OR7D2: variants seen among roughly 807,000 people sequenced by gnomAD.
OR7D2 encodes olfactory receptor 7D2.
For missense variants in OR7D2, 370 were observed against 384.1 expected (o/e 0.96, Z 0.31); for synonymous variants, 158 against 158.7 (o/e 1.00, Z 0.03).
intron 2 of OR7D2, among the ~76,000 whole-genome samples, chr19:9,181,690 A>G (rs1477488193): frequency 6.6e-6 from 1 of 152,062 alleles, no homozygotes; most frequent in Non-Finnish European, 1.5e-5. Flanking sequence ...GCTAAACTCA[A>G]ACGATACTCT....
chr19:9,181,213 A>G (rs1410102129), intron 2 of OR7D2, among the ~76,000 whole-genome samples: 2 of 135,694 alleles, frequency 1.5e-5, no homozygotes, highest in Non-Finnish European at 3.0e-5. Flanking sequence ...TTATAGATAT[A>G]TAATACACTA....
Position 9,187,747 on chromosome 19 carries a change from A to G in OR7D2, c.*1027A>G, listed in dbSNP as rs543455140. The G allele has an allele frequency of 1.2e-5, 2 of 167,062 alleles. No individual in the cohort carries two copies. The highest frequency in any genetic ancestry group is 2.1e-4 in the South Asian group (1 of 4,820). The allele number at this position is 167,062 out of a possible 1,614,324, so 10.3% of individuals were successfully genotyped here. A position where few individuals can be genotyped will look rare whatever the true frequency, so the allele number is the denominator to read the frequency against. On this transcript the variant is annotated 3_prime_UTR_variant, in exon 3 of 3. Transcript: ENST00000641288. ...AACTGAGAACATACGATATGTTCATATGGATCTTATGTATGTTGGTTGAAC... is the reference window on the plus strand; with the variant it reads ...AACTGAGAACATACGATATGTTCATGTGGATCTTATGTATGTTGGTTGAAC...
At chr19:9,183,626 A>G (rs2145980894) in intron 2 of OR7D2, among the ~76,000 whole-genome samples, 1 of 152,084 alleles carries the variant, frequency 6.6e-6, no homozygotes, top group Non-Finnish European at 1.5e-5. Flanking sequence ...TGGCTCTATT[A>G]TTAGCTAACT....
chr19:9,185,861 T>A lies in OR7D2; in HGVS notation c.80T>A (p.Ile27Lys). 6.2e-7 allele frequency: 1 copy of A among 1,613,450 alleles called. No individual in the cohort carries two copies. The highest frequency in any genetic ancestry group is 8.5e-7 in the Non-Finnish European group (1 of 1,179,600). Reference protein sequence around the residue: ...LSEDPELQPFIFGLFLSMYLV... With the variant: ...LSEDPELQPFKFGLFLSMYLV... ...GAGGATCCAGAACTACAGCCGTTCA[T>A]ATTTGGGCTGTTCCTGTCCATGTAC... The change falls in exon 3 of 3, where the codon ATA (isoleucine) becomes AAA (lysine). Residue 27 changes from isoleucine to lysine, a missense_variant. Coordinates refer to ENST00000641288, the MANE Select transcript of OR7D2 (RefSeq NM_175883.4).
chr19:9,184,107 A>AAG (rs59144663), intron 2 of OR7D2, among the ~76,000 whole-genome samples: 1 of 150,590 alleles, frequency 6.6e-6, no homozygotes, highest in Non-Finnish European at 1.5e-5. Context: ...AAGGAATTAA[A>AAG]TAGAGGCCGG....
In OR7D2 at chr19:9,186,552, G is replaced by A. The variant is rs757731758; in HGVS notation, c.771G>A (p.Gly257=). The A allele has an allele frequency of 6.2e-7, 1 of 1,613,968 alleles. No homozygotes were observed. The highest frequency in any genetic ancestry group is 8.5e-7 in the Non-Finnish European group (1 of 1,180,008). The change falls in exon 3 of 3, where the codon GGG becomes GGA. Residue 257 remains glycine (G), a synonymous_variant. Coordinates refer to ENST00000641288, the MANE Select transcript of OR7D2 (RefSeq NM_175883.4). The stretch of plus-strand genomic sequence containing the variant: ...CTTTATTTTATGGGACAGGCATTGG[G>A]GTCCACTTCACTTCTGCGGTGACTC... ...VVSLFYGTGI[G]VHFTSAVTHS...
At chr19:9,184,446 ACT>A (rs1352648363) in intron 2 of OR7D2, among the ~76,000 whole-genome samples, 2 of 151,876 alleles carry the variant, frequency 1.3e-5, no homozygotes, top group African/African-American at 2.4e-5. Flanking sequence ...AAATTTTGAG[ACT>A]CTTTCTCAAA....
intron 2 of OR7D2, among the ~76,000 whole-genome samples, chr19:9,184,733 GTATA>G (rs1192916128): frequency 6.6e-6 from 1 of 151,896 alleles, no homozygotes; most frequent in Non-Finnish European, 1.5e-5. Context: ...ATATATTTGT[GTATA>G]TATATTCCAT....
chr19:9,180,066 C>T (rs1294786221), intron 1 of OR7D2, among the ~76,000 whole-genome samples: 1 of 151,942 alleles, frequency 6.6e-6, no homozygotes, highest in African/African-American at 2.4e-5. Flanking sequence ...GTTCACTCTG[C>T]ACCAGATGTT....
At position 9,186,096 on chromosome 19, in the gene OR7D2, GT is replaced by G; in HGVS notation, c.321del (p.Pro108LeufsTer8). The G allele has an allele frequency of 1.2e-6, 2 of 1,614,044 alleles. No homozygotes were observed. The highest frequency in any genetic ancestry group is 1.7e-6 in the Non-Finnish European group (2 of 1,180,000). ...GCCTCACACAGGTCTATTTCTCCAT[GT>G]TTTTTCCTATTCTGGACACGCTACT... ...DCLTQVYFSMFFPILDTLLLT... is the reference protein window; with the variant it reads ...DCLTQVYFSMXFPILDTLLLT... On this transcript the variant is annotated frameshift_variant, in exon 3 of 3. Coordinates refer to ENST00000641288, the MANE Select transcript of OR7D2 (RefSeq NM_175883.4). LOFTEE classifies it low-confidence loss of function (END_TRUNC).
rs2051055609 is a variant in OR7D2 at position 9,188,452 on chromosome 19, G to A, written c.*1732G>A. 1 of 166,990 alleles carries A rather than the reference G, an allele frequency of 6.0e-6. No homozygotes were observed. Among genetic ancestry groups the A allele is most frequent in the Admixed American group, 6.5e-5 (1 of 15,272 alleles). 10.3% of individuals were successfully genotyped at this position (166,990 alleles called of 1,614,324 possible). A position where few individuals can be genotyped will look rare whatever the true frequency, so the allele number is the denominator to read the frequency against. ...CAGTCCTCCATTGATGGACACGTAG[G>A]TTGATTCCATATCTTTGCTAATGTG... On this transcript the variant is annotated 3_prime_UTR_variant, in exon 3 of 3. Transcript: ENST00000641288.
At chr19:9,183,464 G>A (rs1407774698) in intron 2 of OR7D2, among the ~76,000 whole-genome samples, 2 of 151,980 alleles carry the variant, frequency 1.3e-5, no homozygotes, top group Non-Finnish European at 2.9e-5. Context: ...TTTTTGTAGA[G>A]AGCAAGTCTT....
rs1168006399 is a variant in OR7D2, at chr19:9,188,766, T to C, written c.*2046T>C. On this transcript the variant is annotated 3_prime_UTR_variant, in exon 3 of 3. Coordinates refer to ENST00000641288, the MANE Select transcript of OR7D2 (RefSeq NM_175883.4). The stretch of plus-strand genomic sequence containing the variant: ...TTCGATCATGAACAGATCAACAGTG[T>C]TTATTTGTTTTCCTACTGGATGAAG... 1 of 167,062 alleles carries C rather than the reference T, an allele frequency of 6.0e-6. No homozygotes were observed. The highest frequency in any genetic ancestry group is 2.4e-5 in the African/African-American group (1 of 41,444). The allele number at this position is 167,062 out of a possible 1,614,324, so 10.3% of individuals were successfully genotyped here.
At chr19:9,179,517 G>A (rs200510458) in intron 1 of OR7D2, among the ~76,000 whole-genome samples, 1 of 151,116 alleles carries the variant, frequency 6.6e-6, no homozygotes, top group Middle Eastern at 3.4e-3. Context: ...TCCAGCCTGG[G>A]TGACAGAGTG....
chr19:9,179,798 G>T (rs891668997), intron 1 of OR7D2, among the ~76,000 whole-genome samples: 1 of 152,070 alleles, frequency 6.6e-6, no homozygotes, highest in Middle Eastern at 3.4e-3. Context: ...AAGGTCAAGA[G>T]ATCGAGACCA....
At position 9,186,660 on chromosome 19, in the gene OR7D2, G is replaced by A. The variant is rs536675450; in HGVS notation, c.879G>A (p.Arg293=). Residue 293 remains arginine, a synonymous_variant, in exon 3 of 3, where the codon AGG becomes AGA. Transcript: ENST00000641288. ...PMLNPFIYSL[R]NKDVKGALGS... ...TGAACCCCTTCATCTACAGCCTGAG[G>A]AACAAGGATGTGAAGGGAGCCCTGG... 11 of 1,614,100 alleles carry A rather than the reference G, an allele frequency of 6.8e-6. No individual in the cohort carries two copies. The highest frequency in any genetic ancestry group is 4.0e-5 in the African/African-American group (3 of 75,018).
At chr19:9,179,264 C>A (rs1246183827) in intron 1 of OR7D2, 141 bp downstream of exon 1, 2 of 152,170 alleles carry the variant, frequency 1.3e-5, no homozygotes, top group African/African-American at 2.4e-5. Context: ...ATTCCCTTAC[C>A]TGGTTATAGA....
Position 9,182,108 on chromosome 19 carries a change from TTTA to T in OR7D2, c.-14+1332_-14+1334del, listed in dbSNP as rs951914627. On this transcript the variant is annotated intron_variant, in intron 2 of 2. Transcript: ENST00000641288. ...TATTTCCTCACGCCTGTTAGAATTG[TTTA>T]TTATTATTATTCTTTTACCTATGAA... 2.0e-5 allele frequency among the ~76,000 whole-genome samples: 3 copies of T among 152,180 alleles called. No individual in the cohort carries two copies. In the East Asian group the frequency reaches 5.8e-4, roughly 29 times the overall value.
At chr19:9,185,063 G>T (rs1599211376) in intron 2 of OR7D2, among the ~76,000 whole-genome samples, 1 of 152,134 alleles carries the variant, frequency 6.6e-6, no homozygotes, top group Non-Finnish European at 1.5e-5. Context: ...TAGGATAATG[G>T]ATATAAAGTA....
Sources: gnomAD v4.1 joint callset for allele counts (sites outside exome capture counted in the v4.1 genomes callset) on GRCh38, gnomAD v4.1.1 for gene constraint, MANE v1.5 for transcripts, NCBI Gene and HGNC (gene_info 2026-07-23, HGNC 2026-07-21) for gene names.